Variants in PSMD14 observed in about 807,000 individuals in gnomAD.
PSMD14 encodes the protein proteasome 26S subunit, non-ATPase 14.
Under a neutral mutation model 41.2 loss-of-function variants are expected in PSMD14, and 7 were observed. The ratio of observed to expected loss-of-function variants is 0.17; its 90% CI spans 0.10 to 0.32. The LOEUF is 0.32. PSMD14 is among the 10% of genes least tolerant of loss of function. The pLI is 1.00. For synonymous variants in PSMD14, 114 were observed against 122.3 expected (o/e 0.93, Z 0.45); for missense variants, 139 against 375.6 (o/e 0.37, Z 5.21).
At chr2:161,354,457 C>T (rs189781043) in intron 3 of PSMD14, among the ~76,000 whole-genome samples, 4 of 151,896 alleles carry the variant, frequency 2.6e-5, no homozygotes, top group Non-Finnish European at 4.4e-5. Flanking sequence ...GTTGCCCAGG[C>T]TGCTGAATGA....
At chr2:161,368,030 A>G (rs767231399) in intron 5 of PSMD14, 127 bp downstream of exon 5, 16 of 1,173,462 alleles carry the variant, frequency 1.4e-5, no homozygotes, top group Non-Finnish European at 1.6e-5. Flanking sequence ...CATAAGTTTG[A>G]TAGAAATTTT....
chr2:161,353,350 A>G (rs919034896), intron 3 of PSMD14, among the ~76,000 whole-genome samples: 1 of 152,230 alleles, frequency 6.6e-6, no homozygotes, highest in Non-Finnish European at 1.5e-5. Flanking sequence ...GAGCATGTCT[A>G]CTTTAAAGAT....
chr2:161,386,538 A>G (rs1331307181), intron 8 of PSMD14, among the ~76,000 whole-genome samples: 7 of 151,732 alleles, frequency 4.6e-5, no homozygotes, highest in Non-Finnish European at 1.5e-5. Context: ...GTTTTGTTTT[A>G]AAGGATTGAG....
intron 3 of PSMD14, among the ~76,000 whole-genome samples, chr2:161,346,212 A>C (rs1683039986): frequency 6.6e-6 from 1 of 151,596 alleles, no homozygotes; most frequent in Non-Finnish European, 1.5e-5. Context: ...TCTTCTATTA[A>C]CCCCATCTAG....
At chr2:161,327,168 T>C (rs1294460285) in intron 3 of PSMD14, among the ~76,000 whole-genome samples, 1 of 152,158 alleles carries the variant, frequency 6.6e-6, no homozygotes. Flanking sequence ...GAGTATCAGA[T>C]TCATAATGAT....
intron 3 of PSMD14, among the ~76,000 whole-genome samples, chr2:161,333,036 G>A (rs914351317): frequency 2.6e-5 from 4 of 152,192 alleles, no homozygotes; most frequent in African/African-American, 4.8e-5. Context: ...AGATTTCTAC[G>A]TGTACCCCTT....
At chr2:161,326,244 T>C (rs1682693890) in intron 3 of PSMD14, among the ~76,000 whole-genome samples, 1 of 152,162 alleles carries the variant, frequency 6.6e-6, no homozygotes, top group Non-Finnish European at 1.5e-5. Flanking sequence ...TTGGCCGGGC[T>C]GGTCTCGAAC....
intron 3 of PSMD14, among the ~76,000 whole-genome samples, chr2:161,328,929 A>T (rs1349394786): frequency 2.6e-5 from 4 of 152,172 alleles, no homozygotes; most frequent in African/African-American, 9.6e-5. Context: ...ATTTTTCTTT[A>T]GTACTTTTTA....
chr2:161,376,772 C>T (rs1683508664), intron 7 of PSMD14, among the ~76,000 whole-genome samples: 1 of 151,922 alleles, frequency 6.6e-6, no homozygotes, highest in South Asian at 2.1e-4. Flanking sequence ...CCCCACAAGA[C>T]TGAGACTTCT....
chr2:161,411,500 G>T lies in PSMD14; in HGVS notation c.*100G>T. ...CCTCTGAAGGTGTACTTGGCTAAAT[G>T]TAAGACATCTGGCATCATTTGCAGC... is the stretch of plus-strand genomic sequence containing the variant. On this transcript the variant is annotated 3_prime_UTR_variant, in exon 12 of 12. Coordinates refer to ENST00000409682, the MANE Select transcript of PSMD14 (RefSeq NM_005805.6). 1.4e-6 allele frequency: 1 copy of T among 699,408 alleles called. No individual in the cohort carries two copies. The highest frequency in any genetic ancestry group is 2.2e-6 in the Non-Finnish European group (1 of 447,100). The allele number at this position is 699,408 out of a possible 1,614,324, so 43.3% of individuals were successfully genotyped here.
At chr2:161,379,695 G>GAC (rs1349963113) in intron 7 of PSMD14, among the ~76,000 whole-genome samples, 5 of 152,024 alleles carry the variant, frequency 3.3e-5, no homozygotes, top group Non-Finnish European at 7.4e-5. Flanking sequence ...TATTGGGGGA[G>GAC]ACACCCATGT....
At chr2:161,376,699 A>G (rs527640830) in intron 7 of PSMD14, among the ~76,000 whole-genome samples, 22 of 152,052 alleles carry the variant, frequency 1.4e-4, no homozygotes, top group Non-Finnish European at 2.9e-4. Flanking sequence ...ACTTGGGCCT[A>G]TGAGGTGATT....
At position 161,342,616 on chromosome 2, in the gene PSMD14, T is replaced by A. The variant is rs113040538; in HGVS notation, c.48+23743T>A. On this transcript the variant is annotated intron_variant, in intron 3 of 11. Coordinates refer to ENST00000409682, the MANE Select transcript of PSMD14 (RefSeq NM_005805.6). Reference sequence around the variant, plus strand: ...TAGTTAGATTTTGAGATGTTGTGTTTTGCTTTTTTTTTTTAAAATCCAGTC... The same window carrying A: ...TAGTTAGATTTTGAGATGTTGTGTTATGCTTTTTTTTTTTAAAATCCAGTC... Among the ~76,000 whole-genome samples, 399 of 152,216 alleles carry A rather than the reference T, an allele frequency of 2.6e-3. 5 individuals carry two copies. Among genetic ancestry groups the A allele is most frequent in the African/African-American group, 9.0e-3 (373 of 41,566 alleles).
At chr2:161,366,986 C>T (rs562752931) in intron 3 of PSMD14, among the ~76,000 whole-genome samples, 58 of 152,290 alleles carry the variant, frequency 3.8e-4, no homozygotes, top group African/African-American at 1.4e-3. Context: ...CATTAGGTGA[C>T]ATGCAGAGGA....
At chr2:161,381,206 T>C (rs901781971) in intron 7 of PSMD14, among the ~76,000 whole-genome samples, 4 of 150,034 alleles carry the variant, frequency 2.7e-5, no homozygotes. Flanking sequence ...ACCCCATATA[T>C]GATGAACTGA....
intron 3 of PSMD14, among the ~76,000 whole-genome samples, chr2:161,329,047 C>T (rs60767767): frequency 0.068 from 10,345 of 151,996 alleles, 487 homozygotes; most frequent in East Asian, 0.18. Flanking sequence ...AATTTGAAGG[C>T]GATAATACTA....
chr2:161,381,266 TTATA>T (rs1000571724), intron 7 of PSMD14: 3 of 149,934 alleles, frequency 2.0e-5, no homozygotes, highest in Admixed American at 6.7e-5. Flanking sequence ...AATACATACA[TTATA>T]TATATAGTGA....
At chr2:161,337,191 A>G (rs912052988) in intron 3 of PSMD14, among the ~76,000 whole-genome samples, 4 of 152,242 alleles carry the variant, frequency 2.6e-5, no homozygotes, top group African/African-American at 9.6e-5. Context: ...CTGAGTACCT[A>G]AAAGTCTCGT....
chr2:161,399,412 A>G (rs934635190), intron 10 of PSMD14, among the ~76,000 whole-genome samples: 3 of 152,142 alleles, frequency 2.0e-5, no homozygotes, highest in Non-Finnish European at 2.9e-5. Flanking sequence ...CCAAAAATGC[A>G]TAATATTCAG....
Sources: gnomAD v4.1 joint callset for allele counts (sites outside exome capture counted in the v4.1 genomes callset) on GRCh38, gnomAD v4.1.1 for gene constraint, MANE v1.5 for transcripts, NCBI Gene and HGNC (gene_info 2026-07-23, HGNC 2026-07-21) for gene names.